The following MAP2K5 variants were observed in gnomAD, a reference collection of about 807,000 sequenced individuals.
The protein encoded by MAP2K5 is dual specificity mitogen-activated protein kinase kinase 5.
Under a neutral mutation model 83.1 loss-of-function variants are expected in MAP2K5, and 49 were observed. The ratio of observed to expected loss-of-function variants is 0.59; its 90% CI spans 0.47 to 0.75. The LOEUF is 0.75. Ranked by LOEUF, MAP2K5 falls within the 30% of genes least tolerant of loss-of-function variation. MAP2K5 has a pLI of 0.00. For synonymous variants in MAP2K5, 202 were observed against 191.8 expected, an observed-to-expected ratio of 1.05 and a Z score of -0.44; for missense variants, 457 against 557.5, an observed-to-expected ratio of 0.82 and a Z score of 1.82.
chr15:67,624,034 C>T (rs1048385574), intron 8 of MAP2K5, among the ~76,000 whole-genome samples: 2 of 151,568 alleles, frequency 1.3e-5, no homozygotes, highest in African/African-American at 4.8e-5. Context: ...GTCAGGTTCA[C>T]ATGTTTAAGA....
At chr15:67,712,582 AG>A (rs1325077808) in intron 16 of MAP2K5, among the ~76,000 whole-genome samples, 4 of 152,242 alleles carry the variant, frequency 2.6e-5, no homozygotes, top group African/African-American at 9.6e-5. Flanking sequence ...CTGTAACAAA[AG>A]GAACTTTCAG....
chr15:67,579,740 A>C (rs2140992016), intron 3 of MAP2K5, among the ~76,000 whole-genome samples: 1 of 152,098 alleles, frequency 6.6e-6, no homozygotes, highest in East Asian at 1.9e-4. Context: ...TAATGTACAT[A>C]AAAGCAATAG....
At position 67,736,696 on chromosome 15, in the gene MAP2K5, T is replaced by G. The variant is rs992649059; in HGVS notation, c.1074+8751T>G. ...TTAGTTCAGTTACTGGGGACCATGA[T>G]TCCCTTACAATTTTTAAATAATCAA... On this transcript the variant is annotated intron_variant, in intron 17 of 21. Transcript: ENST00000178640. This position sits in a 1 kb window ranked among gnomAD's most constrained non-coding sequence, Gnocchi z 4.3. Among the ~76,000 whole-genome samples the G allele has an allele frequency of 1.3e-5, 2 of 152,212 alleles. No homozygotes were observed. Among genetic ancestry groups the G allele is most frequent in the African/African-American group, 4.8e-5 (2 of 41,444 alleles).
At chr15:67,789,707 C>G (rs2090481633) in intron 21 of MAP2K5, among the ~76,000 whole-genome samples, 2 of 150,474 alleles carry the variant, frequency 1.3e-5, no homozygotes. Flanking sequence ...AAGAGCAAAA[C>G]TCTGTTTCAA....
chr15:67,686,642 T>C (rs930844099), intron 13 of MAP2K5, among the ~76,000 whole-genome samples: 68 of 124,936 alleles, frequency 5.4e-4, no homozygotes, highest in African/African-American at 1.8e-3. Flanking sequence ...ATAATAATAA[T>C]AACATGTTGT....
At position 67,638,024 on chromosome 15, in the gene MAP2K5, TTTAATTTTTTAAAAATTAAAAAAG is replaced by T. The variant is rs1164048230; in HGVS notation, c.585+7108_585+7131del. 6.6e-6 allele frequency among the ~76,000 whole-genome samples: 1 copy of T among 152,022 alleles called. No homozygotes were observed. The highest frequency in any genetic ancestry group is 1.9e-4 in the East Asian group (1 of 5,194). ...TAACTTTTTTTAACTTTTTTTTACT[TTTAATTTTTTAAAAATTAAAAAAG>T]TTAATTTTTTTAACTTTTAATTTAA... On this transcript the variant is annotated intron_variant, in intron 9 of 21. Coordinates refer to ENST00000178640, the MANE Select transcript of MAP2K5 (RefSeq NM_145160.3). The surrounding 1 kb of genome is among the most constrained non-coding windows in gnomAD (Gnocchi z 4.5).
At chr15:67,735,454 AACATT>A (rs1466045221) in intron 17 of MAP2K5, among the ~76,000 whole-genome samples, 1 of 152,230 alleles carries the variant, frequency 6.6e-6, no homozygotes, top group African/African-American at 2.4e-5. Context: ...ATCTCAATTC[AACATT>A]ATTTGTCACT....
At position 67,746,798 on chromosome 15, in the gene MAP2K5, G is replaced by T. The variant is rs781425863; in HGVS notation, c.1075-1433G>T. Among the ~76,000 whole-genome samples the T allele has an allele frequency of 2.0e-5, 3 of 152,180 alleles. No individual in the cohort carries two copies. The highest frequency in any genetic ancestry group is 4.4e-5 in the Non-Finnish European group (3 of 68,036). ...AAGCCAATAAGAGCAATGAGTGGGC[G>T]CCGTGTTCATTTGACAAATATATGG... On this transcript the variant is annotated intron_variant, in intron 17 of 21. Coordinates refer to ENST00000178640, the MANE Select transcript of MAP2K5 (RefSeq NM_145160.3). This position sits in a 1 kb window ranked among gnomAD's most constrained non-coding sequence, Gnocchi z 4.1.
chr15:67,670,330 C>A, intron 13 of MAP2K5: 1 of 447,810 alleles, frequency 2.2e-6, no homozygotes, highest in South Asian at 1.6e-5. Context: ...GAGGAGTTGA[C>A]TGTAAAGGCA....
chr15:67,615,825 AAG>A (rs1332964199), intron 8 of MAP2K5, among the ~76,000 whole-genome samples: 1 of 152,146 alleles, frequency 6.6e-6, no homozygotes, highest in Non-Finnish European at 1.5e-5. Context: ...AAGGTACTAA[AAG>A]ATTTTTGTTT....
In MAP2K5 at chr15:67,640,516, G is replaced by C; in HGVS notation, c.586-5715G>C. Reference sequence around the variant, plus strand: ...TGAAACGGGGCTGCCTGATGTCACAGAGGATTGTGAAGAGCAGCAAATCAC... The same window carrying C: ...TGAAACGGGGCTGCCTGATGTCACACAGGATTGTGAAGAGCAGCAAATCAC... On this transcript the variant is annotated intron_variant, in intron 9 of 21. Transcript: ENST00000178640. The surrounding 1 kb of genome is among the most constrained non-coding windows in gnomAD (Gnocchi z 4.6). 5 of 916,044 alleles carry C rather than the reference G, an allele frequency of 5.5e-6. No individual in the cohort carries two copies. In the South Asian group the frequency reaches 2.0e-4, roughly 37 times the overall value. The allele number at this position is 916,044 out of a possible 1,614,324, so 56.7% of individuals were successfully genotyped here.
chr15:67,769,712 C>T lies in MAP2K5; in HGVS notation c.1196+49C>T. The T allele has an allele frequency of 6.3e-7, 1 of 1,583,554 alleles. No individual in the cohort carries two copies. The highest frequency in any genetic ancestry group is 8.7e-7 in the Non-Finnish European group (1 of 1,153,032). On this transcript the variant is annotated intron_variant, in intron 20 of 21. Transcript: ENST00000178640. This position sits in a 1 kb window ranked among gnomAD's most constrained non-coding sequence, Gnocchi z 5.2. Reference sequence around the variant, plus strand: ...ATGCCCTCAATGTAAATGATACATGCCATTAACTCGGCAGCTCCGTGAGAC... The same window carrying T: ...ATGCCCTCAATGTAAATGATACATGTCATTAACTCGGCAGCTCCGTGAGAC...
At chr15:67,628,466 C>T (rs536988038) in intron 8 of MAP2K5, 61 of 584,312 alleles carry the variant, frequency 1.0e-4, no homozygotes, top group African/African-American at 7.0e-4. Context: ...GGCGACAGAG[C>T]GAGACTCCAT....
At chr15:67,806,506 T>C (rs900866451) in intron 21 of MAP2K5, 140 bp from the exon 22 acceptor site, 3 of 702,286 alleles carry the variant, frequency 4.3e-6, no homozygotes, top group Non-Finnish European at 4.7e-6. Context: ...GGCCGTGAAA[T>C]GGAGCTGATA....
intron 11 of MAP2K5, among the ~76,000 whole-genome samples, chr15:67,648,757 G>A (rs1293824140): frequency 6.6e-6 from 1 of 151,916 alleles, no homozygotes; most frequent in African/African-American, 2.4e-5. Context: ...GCTAAGTTTT[G>A]TATTTTCAGT....
chr15:67,793,761 G>A lies in MAP2K5; in HGVS notation c.1243-12885G>A, dbSNP rs1300107741. 6.6e-5 allele frequency among the ~76,000 whole-genome samples: 10 copies of A among 152,128 alleles called. No homozygotes were observed. The highest frequency in any genetic ancestry group is 2.0e-4 in the Admixed American group (3 of 15,258). On this transcript the variant is annotated intron_variant, in intron 21 of 21. Transcript: ENST00000178640. The surrounding 1 kb of genome is among the most constrained non-coding windows in gnomAD (Gnocchi z 4.6). ...TATAGAAAATATACTCTTTGATCAC[G>A]TTGTATATAAATGTCCAAGTTTGAA...
intron 13 of MAP2K5, chr15:67,670,326 T>C: frequency 4.5e-6 from 2 of 442,024 alleles, no homozygotes; most frequent in Admixed American, 4.8e-5. Flanking sequence ...GGAGGAGGAG[T>C]TGACTGTAAA....
rs1005957865 is a variant in MAP2K5, at chr15:67,572,016, G to A, written c.252+8666G>A. On this transcript the variant is annotated intron_variant, in intron 3 of 21. Coordinates refer to ENST00000178640, the MANE Select transcript of MAP2K5 (RefSeq NM_145160.3). The surrounding 1 kb of genome is among the most constrained non-coding windows in gnomAD (Gnocchi z 4.2). The stretch of plus-strand genomic sequence containing the variant: ...CAAGAAAAACTCATAATTACCAAGC[G>A]GAGTGATAAATGATATAATACACCT... Among the ~76,000 whole-genome samples, 7 of 152,140 alleles carry A rather than the reference G, an allele frequency of 4.6e-5. No homozygotes were observed. The highest frequency in any genetic ancestry group is 1.9e-4 in the East Asian group (1 of 5,192).
rs1044674709 is a variant in MAP2K5, at chr15:67,801,998, T to A, written c.1243-4648T>A. ...CATTAAATGAGCACTGGACTGGAAG[T>A]CCAGCCCCACAGGCCTCAGGCAGCA... is the stretch of plus-strand genomic sequence containing the variant. On this transcript the variant is annotated intron_variant, in intron 21 of 21. Coordinates refer to ENST00000178640, the MANE Select transcript of MAP2K5 (RefSeq NM_145160.3). The surrounding 1 kb of genome is among the most constrained non-coding windows in gnomAD (Gnocchi z 4.8). Among the ~76,000 whole-genome samples the A allele has an allele frequency of 1.1e-4, 16 of 152,234 alleles. No homozygotes were observed. Among genetic ancestry groups the A allele is most frequent in the African/African-American group, 3.9e-4 (16 of 41,542 alleles).
Sources: gnomAD v4.1 joint callset for allele counts (sites outside exome capture counted in the v4.1 genomes callset) on GRCh38, gnomAD v4.1.1 for gene constraint, Gnocchi (gnomAD v3.1) non-coding constraint, MANE v1.5 for transcripts, NCBI Gene and HGNC (gene_info 2026-07-23, HGNC 2026-07-21) for gene names.